Variants in GALNT13 observed in about 807,000 individuals in gnomAD.
GALNT13 encodes UDP-GalNAc:polypeptide N-acetylgalactosaminyltransferase 13.
Under a neutral mutation model 64.2 loss-of-function variants are expected in GALNT13, and 28 were observed. That is an observed-to-expected ratio of 0.44 (90% CI 0.32 to 0.60). GALNT13 has a LOEUF of 0.60. Ranked by LOEUF, GALNT13 falls within the 20% of genes least tolerant of loss-of-function variation. The pLI is 0.05. For synonymous variants in GALNT13, 214 were observed against 224.6 expected, an observed-to-expected ratio of 0.95 and a Z score of 0.42; for missense variants, 577 against 669.8, an observed-to-expected ratio of 0.86 and a Z score of 1.53.
At chr2:153,648,850 T>C in the GALNT13 span, among the ~76,000 whole-genome samples, 1 of 152,094 alleles carries the variant, frequency 6.6e-6, no homozygotes, top group African/African-American at 2.4e-5. Context: ...TTTTGATGTG[T>C]TGCTGGATTC....
upstream of GALNT13, among the ~76,000 whole-genome samples, chr2:153,870,610 T>G (rs1336398750): frequency 2.0e-5 from 3 of 151,724 alleles, no homozygotes; most frequent in Non-Finnish European, 2.9e-5. Context: ...GGATGGACAA[T>G]GTAGGAGGAG....
At chr2:153,859,694 C>G in the GALNT13 span, among the ~76,000 whole-genome samples, 1 of 152,050 alleles carries the variant, frequency 6.6e-6, no homozygotes, top group African/African-American at 2.4e-5. Context: ...CAGATGGTGG[C>G]TATGAAATAC....
intron 4 of GALNT13, among the ~76,000 whole-genome samples, chr2:154,148,895 G>C (rs1363463901): frequency 6.6e-6 from 1 of 152,056 alleles, no homozygotes; most frequent in African/African-American, 2.4e-5. Flanking sequence ...CACTCTGATG[G>C]TAGTTTCTTT....
At chr2:153,938,371 T>A (rs1691098857) in intron 2 of GALNT13, among the ~76,000 whole-genome samples, 1 of 152,152 alleles carries the variant, frequency 6.6e-6, no homozygotes, top group Admixed American at 6.5e-5. Flanking sequence ...GAGATGACAG[T>A]ATGAGGAAGT....
chr2:153,708,319 G>A, the GALNT13 span, among the ~76,000 whole-genome samples: 67 of 152,182 alleles, frequency 4.4e-4, no homozygotes, highest in African/African-American at 1.4e-3. Flanking sequence ...CTTCTCCCAG[G>A]CAATTCTACT....
intron 6 of GALNT13, among the ~76,000 whole-genome samples, chr2:154,243,709 ATAAC>A (rs1195588866): frequency 6.6e-6 from 1 of 152,220 alleles, no homozygotes; most frequent in Non-Finnish European, 1.5e-5. Flanking sequence ...AAATACCTAG[ATAAC>A]TAACATTGAA....
chr2:154,052,889 A>C (rs2105350474), intron 3 of GALNT13, among the ~76,000 whole-genome samples: 1 of 151,966 alleles, frequency 6.6e-6, no homozygotes, highest in African/African-American at 2.4e-5. Flanking sequence ...GGCGCCCGCC[A>C]CCATGCCCGG....
chr2:153,431,437 A>G, the GALNT13 span, among the ~76,000 whole-genome samples: 1 of 152,176 alleles, frequency 6.6e-6, no homozygotes, highest in African/African-American at 2.4e-5. Flanking sequence ...GGCTTTTCAG[A>G]TGAGAGCAGG....
chr2:153,202,211 C>G, the GALNT13 span, among the ~76,000 whole-genome samples: 1,071 of 151,978 alleles, frequency 7.0e-3, 15 homozygotes, highest in African/African-American at 0.024. Flanking sequence ...GTCTCGATCT[C>G]CTGACCTCAT....
At chr2:153,627,490 G>A in the GALNT13 span, among the ~76,000 whole-genome samples, 10 of 152,022 alleles carry the variant, frequency 6.6e-5, no homozygotes, top group Non-Finnish European at 1.5e-4. Context: ...TTATTTAATT[G>A]CTATATTATT....
chr2:153,404,632 C>T, the GALNT13 span, among the ~76,000 whole-genome samples: 1 of 151,688 alleles, frequency 6.6e-6, no homozygotes, highest in African/African-American at 2.4e-5. Context: ...ATTTGGAATC[C>T]AGGAAGGAAC....
the GALNT13 span, among the ~76,000 whole-genome samples, chr2:153,410,482 G>C: frequency 3.3e-5 from 5 of 152,090 alleles, no homozygotes; most frequent in African/African-American, 7.2e-5. Context: ...AATGAGCTTT[G>C]AAAAATTTTG....
At chr2:154,409,825 G>C (rs936503604) in intron 11 of GALNT13, among the ~76,000 whole-genome samples, 3 of 151,900 alleles carry the variant, frequency 2.0e-5, no homozygotes, top group Non-Finnish European at 4.4e-5. Flanking sequence ...TTCTGAGTTA[G>C]TGTGAACCGA....
intron 9 of GALNT13, among the ~76,000 whole-genome samples, chr2:154,336,511 A>G (rs568351943): frequency 2.5e-4 from 38 of 152,284 alleles, no homozygotes; most frequent in Non-Finnish European, 3.1e-4. Flanking sequence ...CATGGAAAGA[A>G]ATGCAAAGTT....
chr2:153,888,044 G>A (rs976235252), intron 1 of GALNT13, among the ~76,000 whole-genome samples: 1 of 151,930 alleles, frequency 6.6e-6, no homozygotes, highest in Non-Finnish European at 1.5e-5. Context: ...ATAACAAATT[G>A]TAATTGATTT....
the GALNT13 span, among the ~76,000 whole-genome samples, chr2:153,543,320 A>G: frequency 6.6e-6 from 1 of 152,222 alleles, no homozygotes; most frequent in Non-Finnish European, 1.5e-5. Context: ...GTACCTGCCT[A>G]CATCTTACTG....
chr2:154,080,779 G>T (rs990292715), intron 3 of GALNT13, among the ~76,000 whole-genome samples: 2 of 151,520 alleles, frequency 1.3e-5, no homozygotes, highest in African/African-American at 4.8e-5. Context: ...TTTTCTTCAT[G>T]AATTGTAACC....
At chr2:153,292,074 C>G in the GALNT13 span, among the ~76,000 whole-genome samples, 8 of 152,308 alleles carry the variant, frequency 5.3e-5, no homozygotes, top group East Asian at 1.5e-3. Context: ...CTTGGTTACA[C>G]TTCTATCCAT....
the GALNT13 span, among the ~76,000 whole-genome samples, chr2:153,811,791 C>G: frequency 1.3e-5 from 2 of 152,132 alleles, no homozygotes. Context: ...TCACACAAGC[C>G]TCTTTTGATT....
Sources: allele counts gnomAD v4.1 joint callset (sites outside exome capture counted in the v4.1 genomes callset), GRCh38; gene constraint gnomAD v4.1.1; transcripts MANE v1.5; gene names NCBI Gene and HGNC (gene_info 2026-07-23, HGNC 2026-07-21).